KCNH5: variants seen among roughly 807,000 people sequenced by gnomAD.
KCNH5 encodes potassium voltage-gated channel subfamily H member 5, also known as voltage-gated delayed rectifier potassium channel KCNH5.
Under a neutral mutation model 96.1 loss-of-function variants are expected in KCNH5, and 46 were observed. The observed-to-expected ratio is 0.48, with a 90% confidence interval of 0.38 to 0.61. The LOEUF (loss-of-function observed/expected upper bound fraction) is 0.61, where lower values mean the gene tolerates loss of function less well. Ranked by LOEUF, KCNH5 falls within the 20% of genes least tolerant of loss-of-function variation. The pLI is 0.00. For missense variants in KCNH5, 907 were observed against 1,225.8 expected (o/e 0.74, Z 3.88); for synonymous variants, 439 against 449.8 (o/e 0.98, Z 0.30).
chr14:62,923,360 T>C (rs1889414435), intron 7 of KCNH5, among the ~76,000 whole-genome samples: 2 of 151,826 alleles, frequency 1.3e-5, no homozygotes, highest in African/African-American at 4.8e-5. Context: ...TGTTCACAGA[T>C]TGAAAGAATT....
intron 8 of KCNH5, among the ~76,000 whole-genome samples, chr14:62,807,162 A>G (rs1221801759): frequency 6.6e-6 from 1 of 152,160 alleles, no homozygotes; most frequent in African/African-American, 2.4e-5. Flanking sequence ...CATCTTGCCC[A>G]GAGACCACTT....
intron 7 of KCNH5, among the ~76,000 whole-genome samples, chr14:62,911,017 T>C (rs1889142636): frequency 6.6e-6 from 1 of 152,068 alleles, no homozygotes; most frequent in Non-Finnish European, 1.5e-5. Flanking sequence ...TGTTTCTTAT[T>C]TCTCTATTTT....
chr14:62,907,132 T>C (rs976414086), intron 7 of KCNH5, among the ~76,000 whole-genome samples: 2 of 152,226 alleles, frequency 1.3e-5, no homozygotes, highest in African/African-American at 4.8e-5. Flanking sequence ...CTTAATTCTT[T>C]ATTAAATTCT....
intron 8 of KCNH5, among the ~76,000 whole-genome samples, chr14:62,811,359 C>T (rs73274711): frequency 0.016 from 2,467 of 152,176 alleles, 71 homozygotes; most frequent in African/African-American, 0.056. Context: ...ATCTTACTAC[C>T]GTCCTCCAAC....
intron 7 of KCNH5, among the ~76,000 whole-genome samples, chr14:62,920,410 G>A (rs1484437152): frequency 6.6e-6 from 1 of 152,226 alleles, no homozygotes; most frequent in Middle Eastern, 3.4e-3. Context: ...CAGGGATGCA[G>A]GGTGGGGTAA....
In KCNH5 at chr14:62,855,326, A is replaced by G. The variant is rs530716290; in HGVS notation, c.1370-5474T>C. Among the ~76,000 whole-genome samples, 4 of 152,338 alleles carry G rather than the reference A, an allele frequency of 2.6e-5. No individual in the cohort carries two copies. In the South Asian group the frequency reaches 8.3e-4, roughly 32 times the overall value. ...GATATTTAATAATGATACTTAAGAAATAAAACAAAATGTTCCATCAGTCTG... is the reference window on the plus strand; with the variant it reads ...GATATTTAATAATGATACTTAAGAAGTAAAACAAAATGTTCCATCAGTCTG... On this transcript the variant is annotated intron_variant, in intron 7 of 10. Transcript: ENST00000322893.
intron 9 of KCNH5, among the ~76,000 whole-genome samples, chr14:62,788,105 C>T (rs189199224): frequency 2.6e-5 from 4 of 152,246 alleles, no homozygotes; most frequent in Admixed American, 2.0e-4. Context: ...AATGGGAAAT[C>T]TTCTGGAGAA....
rs138689591 is a variant in KCNH5, at chr14:62,731,383, G to A, written c.2020-22928C>T. Among the ~76,000 whole-genome samples the A allele has an allele frequency of 6.2e-3, 945 of 151,894 alleles. 7 individuals are homozygous for A. The highest frequency in any genetic ancestry group is 0.022 in the African/African-American group (897 of 41,466). On this transcript the variant is annotated intron_variant, in intron 10 of 10. Coordinates refer to ENST00000322893, the MANE Select transcript of KCNH5 (RefSeq NM_139318.5). Reference sequence around the variant, plus strand: ...AAAAAATACTAATCACATTGATGGGGAAGAAATGAAGGGAAAATGTCACTG... The same window carrying A: ...AAAAAATACTAATCACATTGATGGGAAAGAAATGAAGGGAAAATGTCACTG...
chr14:62,734,551 C>T (rs1398612938), intron 10 of KCNH5, among the ~76,000 whole-genome samples: 1 of 152,098 alleles, frequency 6.6e-6, no homozygotes, highest in African/African-American at 2.4e-5. Flanking sequence ...CATTTCTTTC[C>T]AGGAAGCCCC....
chr14:62,708,481 G>T lies in KCNH5; in HGVS notation c.2020-26C>A, dbSNP rs749455171. ...CTGTGGAACGGGAGAGATAGTCACA[G>T]CCTGATTATAAAAGCAGATGGATTA... On this transcript the variant is annotated intron_variant, in intron 10 of 10. Coordinates refer to ENST00000322893, the MANE Select transcript of KCNH5 (RefSeq NM_139318.5). 6.9e-6 allele frequency: 10 copies of T among 1,458,316 alleles called. No homozygotes were observed. In the South Asian group the frequency reaches 1.2e-4, roughly 18 times the overall value. The allele number at this position is 1,458,316 out of a possible 1,614,324, so 90.3% of individuals were successfully genotyped here.
chr14:62,937,058 G>A lies in KCNH5; in HGVS notation c.1369+13075C>T, dbSNP rs376298360. Among the ~76,000 whole-genome samples, 58 of 150,692 alleles carry A rather than the reference G, an allele frequency of 3.8e-4. 4 individuals carry two copies. In the South Asian group the frequency reaches 7.8e-3, roughly 20 times the overall value. ...ACAATTAGAAGGGAAAAATAATCAA[G>A]CTACAGCACAAATCTATGTACAAAT... On this transcript the variant is annotated intron_variant, in intron 7 of 10. Coordinates refer to ENST00000322893, the MANE Select transcript of KCNH5 (RefSeq NM_139318.5).
At chr14:62,767,909 C>A (rs776029854) in intron 10 of KCNH5, among the ~76,000 whole-genome samples, 9 of 152,142 alleles carry the variant, frequency 5.9e-5, no homozygotes, top group Non-Finnish European at 1.0e-4. Flanking sequence ...TTTGCTGCAA[C>A]ATAGATGGAA....
rs138012524 is a variant in KCNH5, at chr14:62,986,586, A to G, written c.549+486T>C. 7.3e-3 allele frequency among the ~76,000 whole-genome samples: 1,112 copies of G among 152,118 alleles called. 16 individuals carry two copies. Among genetic ancestry groups the G allele is most frequent in the African/African-American group, 0.025 (1,038 of 41,498 alleles). ...TCAGCCCAGGTATCATCTCACTCACACAGCCTTCCCTAGGGCCCCACATTT... is the reference window on the plus strand; with the variant it reads ...TCAGCCCAGGTATCATCTCACTCACGCAGCCTTCCCTAGGGCCCCACATTT... On this transcript the variant is annotated intron_variant, in intron 5 of 10. Transcript: ENST00000322893.
chr14:62,821,437 C>T (rs890626228), intron 8 of KCNH5, among the ~76,000 whole-genome samples: 2 of 152,062 alleles, frequency 1.3e-5, no homozygotes, highest in South Asian at 2.1e-4. Flanking sequence ...TTTGTAAACA[C>T]AGGGGAAATA....
intron 8 of KCNH5, among the ~76,000 whole-genome samples, chr14:62,810,701 G>T (rs534692318): frequency 1.3e-5 from 2 of 152,034 alleles, no homozygotes; most frequent in Non-Finnish European, 2.9e-5. Flanking sequence ...CTAAAAAGGG[G>T]AAGCATGAAT....
intron 10 of KCNH5, among the ~76,000 whole-genome samples, chr14:62,722,394 G>GA (rs888895612): frequency 5.9e-5 from 9 of 151,734 alleles, no homozygotes; most frequent in Non-Finnish European, 8.8e-5. Context: ...TTATAAAGAT[G>GA]AAAAAAAACC....
intron 7 of KCNH5, among the ~76,000 whole-genome samples, chr14:62,864,224 T>C (rs1888090834): frequency 6.6e-6 from 1 of 152,164 alleles, no homozygotes; most frequent in African/African-American, 2.4e-5. Flanking sequence ...AATTGATTAT[T>C]TTACAATAAC....
chr14:62,950,080 C>A, intron 7 of KCNH5, 53 bp downstream of exon 7: 3 of 1,494,162 alleles, frequency 2.0e-6, no homozygotes, highest in Non-Finnish European at 2.8e-6. Context: ...GAGATTGTAG[C>A]CAGGAAAATT....
intron 7 of KCNH5, among the ~76,000 whole-genome samples, chr14:62,918,863 C>G (rs1356279787): frequency 6.6e-6 from 1 of 151,912 alleles, no homozygotes; most frequent in Admixed American, 6.6e-5. Context: ...GAAATTTGCT[C>G]CCAAATAGGT....
Sources: gnomAD v4.1 joint callset for allele counts (sites outside exome capture counted in the v4.1 genomes callset) on GRCh38, gnomAD v4.1.1 for gene constraint, MANE v1.5 for transcripts, NCBI Gene and HGNC (gene_info 2026-07-23, HGNC 2026-07-21) for gene names.